ZNF343: variants seen among roughly 807,000 people sequenced by gnomAD.
The protein encoded by ZNF343 is zinc finger protein 343.
Under a neutral mutation model 13.8 loss-of-function variants are expected in ZNF343, and 11 were observed. The observed-to-expected ratio is 0.80, with a 90% CI of 0.50 to 1.32. The LOEUF is 1.32. Among genes scored for constraint, ZNF343 ranks in the 40% most tolerant of loss-of-function variants. The pLI, the probability that ZNF343 is intolerant of heterozygous loss-of-function variation, is 0.00. For synonymous variants in ZNF343, 248 were observed against 260.0 expected, an observed-to-expected ratio of 0.95 and a Z score of 0.44; for missense variants, 658 against 714.2, an observed-to-expected ratio of 0.92 and a Z score of 0.90.
rs373826138 is a variant in ZNF343, at chr20:2,523,397, CT to C, written c.-347+1057del. On this transcript the variant is annotated intron_variant, in intron 1 of 6. Transcript: ENST00000358413. ...CTATGGAGTGGCCACTCTTTTATTC[CT>C]TTTTTTTTTAAATAAACTTACCTTC... Among the ~76,000 whole-genome samples the C allele has an allele frequency of 1.2e-3, 183 of 149,544 alleles. 1 individual carries two copies. The highest frequency in any genetic ancestry group is 2.6e-3 in the African/African-American group (107 of 40,854).
At position 2,508,837 on chromosome 20, in the gene ZNF343, G is replaced by C. The variant is rs2085712680; in HGVS notation, c.-237+44C>G. 6.6e-6 allele frequency: 1 copy of C among 152,270 alleles called. No homozygotes were observed. Among genetic ancestry groups the C allele is most frequent in the African/African-American group, 2.4e-5 (1 of 41,472 alleles). The allele number at this position is 152,270 out of a possible 1,614,324, so 9.4% of individuals were successfully genotyped here. On this transcript the variant is annotated intron_variant, in intron 1 of 5. Coordinates refer to ENST00000278772, the MANE Select transcript of ZNF343 (RefSeq NM_024325.6). The surrounding 1 kb of genome is among the most constrained non-coding windows in gnomAD (Gnocchi z 4.5). The stretch of plus-strand genomic sequence containing the variant: ...TTTCCCGACCCTCCTTTCCCCACGA[G>C]AGAGGGCATCCTGGGGCCAAGGAGC...
At position 2,501,026 on chromosome 20, in the gene ZNF343, G is replaced by C. The variant is rs188688062; in HGVS notation, c.-236-284C>G. Among the ~76,000 whole-genome samples the C allele has an allele frequency of 2.0e-5, 3 of 152,304 alleles. No individual in the cohort carries two copies. In the East Asian group the frequency reaches 5.8e-4, roughly 29 times the overall value. On this transcript the variant is annotated intron_variant, in intron 1 of 5. Transcript: ENST00000278772. ...CAGGGTGAGGCACTGCCTCACCCGGGAAGTGCAAGGGGTCAGGGAATTCCT... is the reference window on the plus strand; with the variant it reads ...CAGGGTGAGGCACTGCCTCACCCGGCAAGTGCAAGGGGTCAGGGAATTCCT...
rs2085698497 is a variant in ZNF343, at chr20:2,508,208, G to A, written c.-237+673C>T. The stretch of plus-strand genomic sequence containing the variant: ...TCCCTCACCTCCCTAAAAACCCCAG[G>A]GACTCCTGACCCAAGACACTCGCCC... On this transcript the variant is annotated intron_variant, in intron 1 of 5. Coordinates refer to ENST00000278772, the MANE Select transcript of ZNF343 (RefSeq NM_024325.6). This position sits in a 1 kb window ranked among gnomAD's most constrained non-coding sequence, Gnocchi z 4.5. Among the ~76,000 whole-genome samples, 1 of 151,804 alleles carries A rather than the reference G, an allele frequency of 6.6e-6. No individual in the cohort carries two copies. The highest frequency in any genetic ancestry group is 2.1e-4 in the South Asian group (1 of 4,810).
At position 2,494,772 on chromosome 20, in the gene ZNF343, G is replaced by GAAA. The variant is rs36059987; in HGVS notation, c.-149-731_-149-729dup. Among the ~76,000 whole-genome samples, 207 of 144,220 alleles carry GAAA rather than the reference G, an allele frequency of 1.4e-3. 1 individual carries two copies. Among genetic ancestry groups the GAAA allele is most frequent in the African/African-American group, 5.0e-3 (196 of 38,868 alleles). 94.6% of individuals were successfully genotyped at this position (144,220 alleles called of 152,430 possible). Reference sequence around the variant, plus strand: ...CGGCAGGAGTAAGACCCTGTCTCAAGAAAAAAAAAAAAAATCCCTATGTCC... The same window carrying GAAA: ...CGGCAGGAGTAAGACCCTGTCTCAAGAAAAAAAAAAAAAAAAATCCCTATGTCC... On this transcript the variant is annotated intron_variant, in intron 2 of 5. Coordinates refer to ENST00000278772, the MANE Select transcript of ZNF343 (RefSeq NM_024325.6).
intron 1 of ZNF343, among the ~76,000 whole-genome samples, chr20:2,515,256 G>A (rs756158231): frequency 5.9e-5 from 9 of 152,012 alleles, no homozygotes; most frequent in Non-Finnish European, 8.8e-5. Context: ...ATTTGTCAGA[G>A]CTATTTATGA....
At chr20:2,519,962 A>G (rs2085775554) in intron 1 of ZNF343, among the ~76,000 whole-genome samples, 1 of 152,306 alleles carries the variant, frequency 6.6e-6, no homozygotes, top group East Asian at 1.9e-4. Flanking sequence ...ATTTTCTCTA[A>G]TACTGCTTAG....
At chr20:2,485,075 T>C (rs567518793) in intron 5 of ZNF343, among the ~76,000 whole-genome samples, 20 of 152,184 alleles carry the variant, frequency 1.3e-4, no homozygotes, top group Non-Finnish European at 2.6e-4. Flanking sequence ...AAGTCCCTCA[T>C]TCTGGAGGGC....
At chr20:2,491,250 C>T (rs2085361415) in intron 5 of ZNF343, among the ~76,000 whole-genome samples, 1 of 152,164 alleles carries the variant, frequency 6.6e-6, no homozygotes, top group Non-Finnish European at 1.5e-5. Context: ...GTGTAAAATA[C>T]AACCAGGTTT....
At chr20:2,520,482 A>T (rs552582666) in intron 1 of ZNF343, among the ~76,000 whole-genome samples, 57 of 152,228 alleles carry the variant, frequency 3.7e-4, no homozygotes, top group African/African-American at 1.3e-3. Context: ...AAAAGAAATA[A>T]TTTTTTAAAT....
At chr20:2,515,696 G>A (rs906639769) in intron 1 of ZNF343, among the ~76,000 whole-genome samples, 6 of 152,162 alleles carry the variant, frequency 3.9e-5, no homozygotes, top group Non-Finnish European at 7.3e-5. Context: ...CTAGTTATAT[G>A]AACAAGAAAT....
intron 1 of ZNF343, among the ~76,000 whole-genome samples, chr20:2,503,969 C>G (rs2085612224): frequency 6.6e-6 from 1 of 152,282 alleles, no homozygotes; most frequent in South Asian, 2.1e-4. Flanking sequence ...CAGAGCAGAA[C>G]TGACGGAAAT....
chr20:2,487,947 ATATTT>A (rs2085307297), intron 5 of ZNF343, among the ~76,000 whole-genome samples: 1 of 152,226 alleles, frequency 6.6e-6, no homozygotes, highest in Middle Eastern at 3.2e-3. Context: ...GGACAATGTT[ATATTT>A]TATTTTGTGA....
chr20:2,483,038 TG>T lies in ZNF343; in HGVS notation c.*122del. On this transcript the variant is annotated 3_prime_UTR_variant, in exon 6 of 6. Transcript: ENST00000278772. ...TGCCTGATAAGGGCTGACACATCTC[TG>T]GAACTTCACTCACAATCTGTGTACA... is the stretch of plus-strand genomic sequence containing the variant. 2 of 1,210,900 alleles carry T rather than the reference TG, an allele frequency of 1.7e-6. No homozygotes were observed. The highest frequency in any genetic ancestry group is 2.3e-6 in the Non-Finnish European group (2 of 876,892). 75.0% of individuals were successfully genotyped at this position (1,210,900 alleles called of 1,614,324 possible). A position where few individuals can be genotyped will look rare whatever the true frequency, so the allele number is the denominator to read the frequency against.
Position 2,483,359 on chromosome 20 carries a change from T to G in ZNF343, c.1602A>C (p.Ser534=). 2 of 1,612,636 alleles carry G rather than the reference T, an allele frequency of 1.2e-6. No homozygotes were observed. The highest frequency in any genetic ancestry group is 1.7e-6 in the Non-Finnish European group (2 of 1,179,706). ...RECGRGFCDK[S]TLIVHERTHS... ...GTGTCCTCTCATGTACAATGAGGGT[T>G]GACTTGTCACAAAAGCCTCGCCCAC... Residue 534 remains serine, a synonymous_variant, in exon 6 of 6, where the codon TCA becomes TCC. Coordinates refer to ENST00000278772, the MANE Select transcript of ZNF343 (RefSeq NM_024325.6).
intron 4 of ZNF343, 122 bp downstream of exon 4, chr20:2,493,397 T>A: frequency 1.1e-6 from 1 of 888,724 alleles, no homozygotes; most frequent in Non-Finnish European, 1.8e-6. Context: ...GAAAGCCTAA[T>A]GCTTCACTCA....
intron 4 of ZNF343, 105 bp from the exon 5 acceptor site, chr20:2,492,930 A>C: frequency 6.7e-7 from 1 of 1,486,620 alleles, no homozygotes; most frequent in Non-Finnish European, 9.1e-7. Flanking sequence ...AAGTTGATGT[A>C]ATTCGTCAGA....
At chr20:2,519,605 C>T (rs1456946579) in intron 1 of ZNF343, among the ~76,000 whole-genome samples, 4 of 152,108 alleles carry the variant, frequency 2.6e-5, no homozygotes, top group East Asian at 1.9e-4. Flanking sequence ...TGTGTGTATA[C>T]GCATATACAT....
At chr20:2,513,358 C>T (rs913146626), upstream of ZNF343, among the ~76,000 whole-genome samples, 1 of 152,012 alleles carries the variant, frequency 6.6e-6, no homozygotes, top group Non-Finnish European at 1.5e-5. Flanking sequence ...CAAGAACACA[C>T]CAAAAAAATG....
Position 2,482,799 on chromosome 20 carries a change from A to G in ZNF343, c.*362T>C. The G allele has an allele frequency of 4.3e-6, 1 of 234,490 alleles. No homozygotes were observed. The highest frequency in any genetic ancestry group is 9.3e-5 in the East Asian group (1 of 10,758). The allele number at this position is 234,490 out of a possible 1,614,324, so 14.5% of individuals were successfully genotyped here. Reference sequence around the variant, plus strand: ...TGCCTGAGTGTCCATTCTTTTACTGATGCTCCCCAACACTCCCCAGACAAG... The same window carrying G: ...TGCCTGAGTGTCCATTCTTTTACTGGTGCTCCCCAACACTCCCCAGACAAG... On this transcript the variant is annotated 3_prime_UTR_variant, in exon 6 of 6. Coordinates refer to ENST00000278772, the MANE Select transcript of ZNF343 (RefSeq NM_024325.6).
Sources: gnomAD v4.1 joint callset for allele counts (sites outside exome capture counted in the v4.1 genomes callset) on GRCh38, gnomAD v4.1.1 for gene constraint, Gnocchi (gnomAD v3.1) non-coding constraint, MANE v1.5 for transcripts, NCBI Gene and HGNC (gene_info 2026-07-23, HGNC 2026-07-21) for gene names.